Variants in ITGA6 observed in about 807,000 individuals in gnomAD.
The protein encoded by ITGA6 is integrin subunit alpha 6, also known as integrin alpha-6.
A neutral mutation model predicts 133.6 loss-of-function variants in ITGA6; 63 were observed. The ratio of observed to expected loss-of-function variants is 0.47; its 90% CI spans 0.38 to 0.58. The LOEUF is 0.58. Among genes scored for constraint, ITGA6 ranks in the 20% least tolerant of loss-of-function variants. The probability of loss-of-function intolerance (pLI) is 0.00; values close to 1 mark genes in which losing one functional copy is unlikely to be tolerated. For synonymous variants in ITGA6, 434 were observed against 482.0 expected, an observed-to-expected ratio of 0.90 and a Z score of 1.30; for missense variants, 1,068 against 1,309.4, an observed-to-expected ratio of 0.82 and a Z score of 2.85.
intron 19 of ITGA6, 143 bp from the exon 20 acceptor site, chr2:172,489,342 A>C: frequency 1.5e-6 from 1 of 685,452 alleles, no homozygotes; most frequent in Non-Finnish European, 2.6e-6. Context: ...TGAATGCCCT[A>C]TCTATAGTCC....
At position 172,468,031 on chromosome 2, in the gene ITGA6, C is replaced by T. The variant is rs967757539; in HGVS notation, c.387+471C>T. Among the ~76,000 whole-genome samples the T allele has an allele frequency of 7.2e-5, 11 of 152,308 alleles. No individual in the cohort carries two copies. The East Asian group carries it at 2.1e-3, about 29-fold the overall frequency. ...TTCCTGATATACTTAGAAGCAATCA[C>T]ACAACCTACTTTTCTTTAGAACTTT... On this transcript the variant is annotated intron_variant, in intron 3 of 25. Transcript: ENST00000684293.
chr2:172,465,986 C>A, intron 2 of ITGA6: 1 of 417,902 alleles, frequency 2.4e-6, no homozygotes, highest in Non-Finnish European at 4.5e-6. Context: ...AATGAATGAG[C>A]GTATCTTGTA....
At chr2:172,464,928 C>T (rs895305745) in intron 1 of ITGA6, among the ~76,000 whole-genome samples, 1 of 139,806 alleles carries the variant, frequency 7.2e-6, no homozygotes. Flanking sequence ...CCATTCTACC[C>T]TAATAAAACT....
Position 172,475,632 on chromosome 2 carries a change from A to T in ITGA6, c.1216A>T (p.Lys406Ter), listed in dbSNP as rs1212376849. The T allele has an allele frequency of 6.2e-7, 1 of 1,608,716 alleles. No homozygotes were observed. The highest frequency in any genetic ancestry group is 8.5e-7 in the Non-Finnish European group (1 of 1,175,150). ...TGGAGCTCCGTATGATGACTTGGGA[A>T]AGGTTTTTATCTATCATGGATCTGC... ...AVGAPYDDLG[K>*]VFIYHGSANG... The change falls in exon 8 of 26, where the codon AAG becomes TAG. Residue 406 changes from lysine (K) to a stop codon, truncating the protein, a stop_gained. Coordinates refer to ENST00000684293, the MANE Select transcript of ITGA6 (RefSeq NM_000210.4). LOFTEE classifies it high-confidence loss of function.
chr2:172,482,346 A>G (rs1205859237), intron 11 of ITGA6, among the ~76,000 whole-genome samples: 1 of 152,234 alleles, frequency 6.6e-6, no homozygotes, highest in Non-Finnish European at 1.5e-5. Flanking sequence ...ATAAGTTAAT[A>G]CATCTAAAAT....
chr2:172,486,409 A>C (rs1487181138), intron 13 of ITGA6, among the ~76,000 whole-genome samples: 1 of 152,070 alleles, frequency 6.6e-6, no homozygotes. Flanking sequence ...ACTTGTGTAC[A>C]TTCCCAGCTC....
chr2:172,448,031 A>T (rs1684836927), intron 1 of ITGA6, among the ~76,000 whole-genome samples: 1 of 152,148 alleles, frequency 6.6e-6, no homozygotes, highest in Non-Finnish European at 1.5e-5. Flanking sequence ...TAGAACCCTC[A>T]GGCGCAAATG....
At chr2:172,438,578 A>G (rs570904165) in intron 1 of ITGA6, among the ~76,000 whole-genome samples, 3 of 151,932 alleles carry the variant, frequency 2.0e-5, no homozygotes, top group Admixed American at 6.6e-5. Context: ...ACTTATCTTC[A>G]TTGGTCAAAT....
At chr2:172,438,114 A>AG (rs1332368765) in intron 1 of ITGA6, among the ~76,000 whole-genome samples, 2 of 151,672 alleles carry the variant, frequency 1.3e-5, no homozygotes, top group Admixed American at 1.3e-4. Flanking sequence ...AACAACTGTA[A>AG]GGGGAAATAG....
At position 172,489,496 on chromosome 2, in the gene ITGA6, AGGT is replaced by A. The variant is rs1462978989; in HGVS notation, c.2518_2520del (p.Gly840del). 1.2e-6 allele frequency: 2 copies of A among 1,612,040 alleles called. No homozygotes were observed. The highest frequency in any genetic ancestry group is 2.7e-5 in the African/African-American group (2 of 74,892). On this transcript the variant is annotated inframe_deletion, in exon 20 of 26. Transcript: ENST00000684293. ...TTATTTTCTAACAGGTAATAAACTT[AGGT>A]AAACCTCTTACAAACCTCGGCACAG...
intron 1 of ITGA6, among the ~76,000 whole-genome samples, chr2:172,449,922 CA>C (rs753594850): frequency 0.01 from 812 of 77,630 alleles, 6 homozygotes; most frequent in African/African-American, 0.033. Context: ...ACTTCCTCTC[CA>C]AAAAAAAAAA....
At chr2:172,499,958 A>AGT (rs1302747188) in intron 24 of ITGA6, among the ~76,000 whole-genome samples, 4 of 152,092 alleles carry the variant, frequency 2.6e-5, no homozygotes, top group African/African-American at 9.7e-5. Flanking sequence ...GAAGCTCTGA[A>AGT]GTGTCCAGGC....
At chr2:172,478,016 G>T (rs1031106765) in intron 9 of ITGA6, among the ~76,000 whole-genome samples, 2 of 152,010 alleles carry the variant, frequency 1.3e-5, no homozygotes, top group Non-Finnish European at 2.9e-5. Context: ...TCAAAATTGT[G>T]TGTTGTATGT....
At position 172,467,961 on chromosome 2, in the gene ITGA6, AAAAG is replaced by A. The variant is rs1010315436; in HGVS notation, c.387+404_387+407del. 6.1e-4 allele frequency among the ~76,000 whole-genome samples: 83 copies of A among 136,170 alleles called. 1 individual carries two copies. The highest frequency in any genetic ancestry group is 2.4e-3 in the African/African-American group (81 of 33,824). The allele number at this position is 136,170 out of a possible 152,430, so 89.3% of individuals were successfully genotyped here. On this transcript the variant is annotated intron_variant, in intron 3 of 25. Transcript: ENST00000684293. Reference sequence around the variant, plus strand: ...AACTCCATCTCAAAAAAAAGAAAAAAAAAGAAGAAGTAATCACGTAATCAAAGCC... The same window carrying A: ...AACTCCATCTCAAAAAAAAGAAAAAAAAGAAGTAATCACGTAATCAAAGCC...
chr2:172,498,178 A>C, intron 24 of ITGA6, 78 bp downstream of exon 24: 1 of 1,404,854 alleles, frequency 7.1e-7, no homozygotes. Flanking sequence ...CACTGATAGT[A>C]CGTTTTCTTT....
chr2:172,445,279 T>G (rs889168153), intron 1 of ITGA6, among the ~76,000 whole-genome samples: 1 of 151,672 alleles, frequency 6.6e-6, no homozygotes, highest in Non-Finnish European at 1.5e-5. Context: ...ATTTATACTT[T>G]GTAAATTGCC....
chr2:172,498,318 G>A (rs1469335563), intron 24 of ITGA6, among the ~76,000 whole-genome samples: 2 of 152,100 alleles, frequency 1.3e-5, no homozygotes, highest in African/African-American at 4.8e-5. Flanking sequence ...TACACAATAA[G>A]TTTCTTCATT....
At chr2:172,476,984 A>G (rs983821683) in intron 9 of ITGA6, among the ~76,000 whole-genome samples, 7 of 152,162 alleles carry the variant, frequency 4.6e-5, no homozygotes, top group African/African-American at 7.2e-5. Context: ...GACTTTTCCT[A>G]TGTCACTGAG....
chr2:172,448,402 C>T (rs1428667093), intron 1 of ITGA6, among the ~76,000 whole-genome samples: 1 of 152,062 alleles, frequency 6.6e-6, no homozygotes, highest in Non-Finnish European at 1.5e-5. Context: ...TGTCACTTAC[C>T]AGCTGTGTGA....
Sources: allele counts gnomAD v4.1 joint callset (sites outside exome capture counted in the v4.1 genomes callset), GRCh38; gene constraint gnomAD v4.1.1; transcripts MANE v1.5; gene names NCBI Gene and HGNC (gene_info 2026-07-23, HGNC 2026-07-21).